SGK3: variants seen among roughly 807,000 people sequenced by gnomAD.
SGK3 encodes serum/glucocorticoid regulated kinase family member 3.
In SGK3, 47 loss-of-function variants were observed where a neutral mutation model predicts 68.5. That is an observed-to-expected ratio of 0.69 (90% CI 0.54 to 0.87). SGK3 has a LOEUF of 0.87. Ranked by LOEUF, SGK3 falls within the 40% of genes least tolerant of loss-of-function variation. The pLI, the probability that SGK3 is intolerant of heterozygous loss-of-function variation, is 0.00. For missense variants in SGK3, 479 were observed against 575.5 expected (o/e 0.83, Z 1.72); for synonymous variants, 181 against 189.1 (o/e 0.96, Z 0.35).
chr8:66,830,838 G>A (rs553770237), intron 7 of SGK3, among the ~76,000 whole-genome samples: 10 of 152,218 alleles, frequency 6.6e-5, no homozygotes, highest in South Asian at 6.2e-4. Flanking sequence ...GAATTACCAC[G>A]TTATATAGTC....
chr8:66,816,904 C>G (rs1482652445), intron 5 of SGK3, among the ~76,000 whole-genome samples: 1 of 152,132 alleles, frequency 6.6e-6, no homozygotes, highest in Non-Finnish European at 1.5e-5. Flanking sequence ...GATCTCGGCT[C>G]ACTGCAACCT....
At chr8:66,808,964 A>G (rs112081460) in intron 4 of SGK3, among the ~76,000 whole-genome samples, 3,746 of 151,958 alleles carry the variant, frequency 0.025, 158 homozygotes, top group African/African-American at 0.084. Flanking sequence ...CCACCTCCCC[A>G]GTTCAAGCGA....
intron 1 of SGK3, among the ~76,000 whole-genome samples, chr8:66,781,582 C>T (rs995564877): frequency 2.6e-5 from 4 of 152,156 alleles, no homozygotes; most frequent in Admixed American, 6.5e-5. Flanking sequence ...ACTTCCTCAC[C>T]GAGGCCCTTC....
intron 6 of SGK3, among the ~76,000 whole-genome samples, chr8:66,825,902 C>T (rs1809034085): frequency 6.6e-6 from 1 of 152,162 alleles, no homozygotes; most frequent in Non-Finnish European, 1.5e-5. Flanking sequence ...ATAATAAAAT[C>T]TAATTACATA....
At chr8:66,829,734 G>A (rs1005819841) in intron 7 of SGK3, among the ~76,000 whole-genome samples, 10 of 152,126 alleles carry the variant, frequency 6.6e-5, no homozygotes, top group African/African-American at 2.4e-4. Flanking sequence ...GAGACAACGA[G>A]TTTACAAAAC....
At chr8:66,822,216 C>T (rs1008941956) in intron 5 of SGK3, among the ~76,000 whole-genome samples, 156 bp from the exon 6 acceptor site, 58 of 151,656 alleles carry the variant, frequency 3.8e-4, no homozygotes, top group Non-Finnish European at 5.6e-4. Flanking sequence ...AATTAATTTG[C>T]GTATTACATT....
chr8:66,769,851 G>A (rs1348832508), intron 1 of SGK3, among the ~76,000 whole-genome samples: 1 of 152,100 alleles, frequency 6.6e-6, no homozygotes, highest in Non-Finnish European at 1.5e-5. Context: ...TTACAGGCGT[G>A]AGCCACCAAG....
chr8:66,845,832 TC>T (rs1412312850), intron 14 of SGK3, among the ~76,000 whole-genome samples: 1 of 151,810 alleles, frequency 6.6e-6, no homozygotes, highest in Non-Finnish European at 1.5e-5. Context: ...TGCTGGGATT[TC>T]CAGTGTGAGC....
intron 4 of SGK3, among the ~76,000 whole-genome samples, chr8:66,809,258 A>C (rs1412068496): frequency 1.3e-5 from 2 of 152,208 alleles, no homozygotes; most frequent in African/African-American, 4.8e-5. Flanking sequence ...CACCCCTAGC[A>C]TTCAGATTGT....
chr8:66,772,349 A>C (rs1018007559), intron 1 of SGK3, among the ~76,000 whole-genome samples: 4 of 150,666 alleles, frequency 2.7e-5, no homozygotes, highest in African/African-American at 9.8e-5. Context: ...TAGCCTCCCA[A>C]AATGCTGGGA....
chr8:66,808,223 A>G (rs534028644), intron 4 of SGK3, among the ~76,000 whole-genome samples: 1 of 152,332 alleles, frequency 6.6e-6, no homozygotes, highest in Admixed American at 6.5e-5. Flanking sequence ...TTAAAAACAA[A>G]AATAAAAATG....
At chr8:66,784,453 G>A (rs1460500806) in intron 1 of SGK3, among the ~76,000 whole-genome samples, 1 of 152,106 alleles carries the variant, frequency 6.6e-6, no homozygotes, top group African/African-American at 2.4e-5. Flanking sequence ...ATACTTATGA[G>A]TGTATCTACC....
chr8:66,726,796 G>A (rs1804995814), intron 1 of SGK3, among the ~76,000 whole-genome samples: 1 of 96,936 alleles, frequency 1.0e-5, no homozygotes, highest in Non-Finnish European at 1.8e-5. Flanking sequence ...GCAAGACCCT[G>A]TCTGTAAAAA....
chr8:66,843,668 G>T, intron 14 of SGK3, 121 bp downstream of exon 14: 1 of 1,037,894 alleles, frequency 9.6e-7, no homozygotes. Flanking sequence ...GTAATAGTCT[G>T]GTTAAATGAA....
At chr8:66,841,435 G>A (rs1809793283) in intron 13 of SGK3, among the ~76,000 whole-genome samples, 1 of 151,974 alleles carries the variant, frequency 6.6e-6, no homozygotes, top group Admixed American at 6.6e-5. Flanking sequence ...GGTAAATATT[G>A]TAGAAAATTA....
chr8:66,850,587 A>G (rs1258848995), intron 15 of SGK3, among the ~76,000 whole-genome samples: 1 of 152,228 alleles, frequency 6.6e-6, no homozygotes, highest in Non-Finnish European at 1.5e-5. Context: ...CCATTTTACC[A>G]CTGAGGAAAC....
rs190267546 is a variant in SGK3, at chr8:66,744,817, T to C, written c.-122+31984T>C. ...CACCATGCCTAGCCTTTTTTTTTTT[T>C]CTAGATTTTTGATTAGTTGTGTGTG... is the stretch of plus-strand genomic sequence containing the variant. On this transcript the variant is annotated intron_variant, in intron 1 of 16. Coordinates refer to ENST00000521198, the MANE Select transcript of SGK3 (RefSeq NM_001033578.3). 1.9e-3 allele frequency among the ~76,000 whole-genome samples: 286 copies of C among 151,324 alleles called. 1 individual carries two copies. The highest frequency in any genetic ancestry group is 6.5e-3 in the African/African-American group (270 of 41,368).
At chr8:66,713,101 G>A (rs982449274) in intron 1 of SGK3, among the ~76,000 whole-genome samples, 1 of 152,240 alleles carries the variant, frequency 6.6e-6, no homozygotes, top group African/African-American at 2.4e-5. Flanking sequence ...CGCCGAGCCT[G>A]GAGGAACTGG....
intron 1 of SGK3, among the ~76,000 whole-genome samples, chr8:66,733,231 G>A (rs1472796091): frequency 2.0e-5 from 3 of 152,204 alleles, no homozygotes; most frequent in Admixed American, 1.3e-4. Context: ...GCAGGTCTTG[G>A]CAAAGAGGCT....
Sources: allele counts gnomAD v4.1 joint callset (sites outside exome capture counted in the v4.1 genomes callset), GRCh38; gene constraint gnomAD v4.1.1; transcripts MANE v1.5; gene names NCBI Gene and HGNC (gene_info 2026-07-23, HGNC 2026-07-21).